The following FAAH2 variants were observed in gnomAD, a reference collection of about 807,000 sequenced individuals.
FAAH2 encodes fatty acid amide hydrolase 2.
FAAH2 carries 60 observed loss-of-function variants against 36.9 expected under a neutral mutation model. The observed-to-expected ratio is 1.63, with a 90% CI of 1.32 to 2.02. The LOEUF (loss-of-function observed/expected upper bound fraction) is 2.02. FAAH2 is among the 30% of genes most tolerant of loss of function. The pLI is 0.00. For synonymous variants in FAAH2, 214 were observed against 143.8 expected (o/e 1.49, Z -3.49); for missense variants, 689 against 397.5 (o/e 1.73, Z -6.23).
the FAAH2 span, among the ~76,000 whole-genome samples, chrX:57,252,555 G>T: frequency 1.8e-5 from 2 of 112,049 alleles, no homozygotes; most frequent in African/African-American, 6.5e-5. Flanking sequence ...CTGGGACAAA[G>T]CTTCCAGATG....
At chrX:57,382,280 G>A (rs1428025954) in intron 7 of FAAH2, among the ~76,000 whole-genome samples, 1 of 111,347 alleles carries the variant, frequency 9.0e-6, no homozygotes, top group Non-Finnish European at 1.9e-5. Flanking sequence ...AGAAGCAAGA[G>A]CAAACACATT....
the FAAH2 span, among the ~76,000 whole-genome samples, chrX:57,261,324 G>A: frequency 1.8e-5 from 2 of 110,133 alleles, no homozygotes; most frequent in Admixed American, 9.8e-5. Context: ...AGGGCAAGGC[G>A]GGTGGATCAT....
At chrX:57,462,544 C>G (rs974178040) in intron 10 of FAAH2, among the ~76,000 whole-genome samples, 1 of 111,981 alleles carries the variant, frequency 8.9e-6, no homozygotes, top group Non-Finnish European at 1.9e-5. Context: ...ATAAAGAGAA[C>G]CAGTGATAAA....
chrX:57,332,926 C>T (rs2053447174), intron 4 of FAAH2, among the ~76,000 whole-genome samples: 1 of 110,987 alleles, frequency 9.0e-6, no homozygotes, highest in African/African-American at 3.3e-5. Context: ...ATGAAATATC[C>T]AACTCCAGTC....
At chrX:57,444,611 C>T (rs2056634982) in intron 8 of FAAH2, among the ~76,000 whole-genome samples, 1 of 111,250 alleles carries the variant, frequency 9.0e-6, no homozygotes, top group South Asian at 3.8e-4. Flanking sequence ...GTCTGACAAG[C>T]CAGTGAGATA....
chrX:57,136,290 C>G, the FAAH2 span: 1 of 1,177,027 alleles, frequency 8.5e-7, no homozygotes, highest in Non-Finnish European at 1.1e-6. Context: ...AGACAAAACC[C>G]TTTCATCTCT....
the FAAH2 span, among the ~76,000 whole-genome samples, chrX:57,202,678 T>C: frequency 1.8e-5 from 2 of 111,686 alleles, no homozygotes; most frequent in East Asian, 5.6e-4. Context: ...GGCTCTACAG[T>C]CATCAGGTGG....
At position 57,407,622 on chromosome X, in the gene FAAH2, G is replaced by C. The variant is rs760956613; in HGVS notation, c.997-24296G>C. Among the ~76,000 whole-genome samples the C allele has an allele frequency of 1.6e-3, 183 of 111,579 alleles. 1 individual carries two copies. The highest frequency in any genetic ancestry group is 3.0e-3 in the Non-Finnish European group (159 of 53,098). ...CTCTTCCCTCAGCTTTCCACTCGGG[G>C]TGACTGCTCACCCATAACTTTGATC... is the stretch of plus-strand genomic sequence containing the variant. On this transcript the variant is annotated intron_variant, in intron 7 of 10. Transcript: ENST00000374900.
chrX:57,341,882 G>A (rs1345764228), intron 5 of FAAH2, among the ~76,000 whole-genome samples: 1 of 110,957 alleles, frequency 9.0e-6, no homozygotes, highest in Non-Finnish European at 1.9e-5. Flanking sequence ...AGAAACTCCA[G>A]TTATTGGCAT....
chrX:57,306,494 C>G (rs1451651232), intron 2 of FAAH2, among the ~76,000 whole-genome samples: 1 of 109,839 alleles, frequency 9.1e-6, no homozygotes, highest in African/African-American at 3.3e-5. Context: ...CAACTAGACC[C>G]TGGGAAGTTC....
chrX:57,173,858 G>A, the FAAH2 span, among the ~76,000 whole-genome samples: 1 of 111,195 alleles, frequency 9.0e-6, no homozygotes, highest in Non-Finnish European at 1.9e-5. Context: ...CTGTTTATGG[G>A]ATGAATCATA....
At chrX:57,422,416 C>T (rs746431011) in intron 7 of FAAH2, among the ~76,000 whole-genome samples, 1 of 112,096 alleles carries the variant, frequency 8.9e-6, no homozygotes, top group East Asian at 2.8e-4. Flanking sequence ...TTCTATTTAT[C>T]CTCTACCATG....
intron 10 of FAAH2, among the ~76,000 whole-genome samples, chrX:57,479,909 AT>A (rs1183546036): frequency 1.8e-5 from 2 of 111,830 alleles, no homozygotes; most frequent in African/African-American, 6.5e-5. Flanking sequence ...AATAGACGCA[AT>A]AAAAAATGAT....
At chrX:57,349,128 CAT>C (rs1245480640) in intron 5 of FAAH2, among the ~76,000 whole-genome samples, 45 of 88,845 alleles carry the variant, frequency 5.1e-4, no homozygotes, top group East Asian at 6.9e-4. Flanking sequence ...AATATATACA[CAT>C]ATATATATTA....
chrX:57,168,839 G>A, the FAAH2 span, among the ~76,000 whole-genome samples: 1 of 112,171 alleles, frequency 8.9e-6, no homozygotes, highest in Non-Finnish European at 1.9e-5. Flanking sequence ...ATACTAAAGT[G>A]TAATCTTTCT....
At chrX:57,466,156 C>CTCTATATATATATATATATATA (rs1287266105) in intron 10 of FAAH2, among the ~76,000 whole-genome samples, 4 of 66,415 alleles carry the variant, frequency 6.0e-5, no homozygotes, top group African/African-American at 1.2e-4. Context: ...CTCTCTCTCT[C>CTCTATATATATATATATATATA]TATATATATA....
chrX:57,344,365 C>G (rs1397555823), intron 5 of FAAH2, among the ~76,000 whole-genome samples: 1 of 110,607 alleles, frequency 9.0e-6, no homozygotes, highest in African/African-American at 3.3e-5. Flanking sequence ...TTTGGTGTGG[C>G]TATTGTAAAT....
chrX:57,485,781 TA>T (rs1363839051), intron 10 of FAAH2, among the ~76,000 whole-genome samples: 1 of 112,340 alleles, frequency 8.9e-6, no homozygotes, highest in Non-Finnish European at 1.9e-5. Context: ...TTTGTGATTT[TA>T]AAAAATTATT....
At position 57,458,608 on chromosome X, in the gene FAAH2, A is replaced by G. The variant is rs147463109; in HGVS notation, c.1423+9890A>G. The stretch of plus-strand genomic sequence containing the variant: ...GTGAGATCAACGCAGAAGGGGAGTG[A>G]CTTCTGCATTTGCAATTGAGGTAAC... On this transcript the variant is annotated intron_variant, in intron 10 of 10. Transcript: ENST00000374900. Among the ~76,000 whole-genome samples, 439 of 112,238 alleles carry G rather than the reference A, an allele frequency of 3.9e-3. 2 individuals are homozygous for G. Among genetic ancestry groups the G allele is most frequent in the African/African-American group, 0.014 (424 of 30,930 alleles).
Sources: gnomAD v4.1 joint callset for allele counts (sites outside exome capture counted in the v4.1 genomes callset) on GRCh38, gnomAD v4.1.1 for gene constraint, MANE v1.5 for transcripts, NCBI Gene and HGNC (gene_info 2026-07-23, HGNC 2026-07-21) for gene names.